The following PPP2R3A variants were observed in gnomAD, a reference collection of about 807,000 sequenced individuals.
PPP2R3A encodes the protein serine/threonine-protein phosphatase 2A regulatory subunit B'' subunit alpha.
PPP2R3A carries 80 observed loss-of-function variants against 106.9 expected under a neutral mutation model. The observed-to-expected ratio is 0.75, with a 90% CI of 0.62 to 0.90. The LOEUF (loss-of-function observed/expected upper bound fraction) is 0.90. Ranked by LOEUF, PPP2R3A falls within the 40% of genes least tolerant of loss-of-function variation. PPP2R3A has a pLI of 0.00. For missense variants in PPP2R3A, 1,386 were observed against 1,350.4 expected, an observed-to-expected ratio of 1.03 and a Z score of -0.41; for synonymous variants, 483 against 468.3, an observed-to-expected ratio of 1.03 and a Z score of -0.41.
At chr3:136,028,360 C>G (rs1934741351) in intron 3 of PPP2R3A, among the ~76,000 whole-genome samples, 1 of 152,192 alleles carries the variant, frequency 6.6e-6, no homozygotes, top group Non-Finnish European at 1.5e-5. Flanking sequence ...CTTCATTCCC[C>G]CTTCTTAAAA....
intron 8 of PPP2R3A, 64 bp downstream of exon 8, chr3:136,082,485 CATT>C: frequency 6.5e-7 from 1 of 1,537,226 alleles, no homozygotes; most frequent in Non-Finnish European, 8.9e-7. Flanking sequence ...TATCACTACT[CATT>C]ATGAGAAATT....
rs534418495 is a variant in PPP2R3A, at chr3:136,047,033, A to G, written c.2367-2226A>G. Among the ~76,000 whole-genome samples the G allele has an allele frequency of 1.6e-3, 238 of 152,372 alleles. 1 individual carries two copies. The highest frequency in any genetic ancestry group is 3.1e-3 in the Non-Finnish European group (209 of 68,034). ...ACCACTCCTTTGAATCAATGCAGGC[A>G]GACAAAAATAAAAAAGAATTTTAAA... On this transcript the variant is annotated intron_variant, in intron 4 of 13. Coordinates refer to ENST00000264977, the MANE Select transcript of PPP2R3A (RefSeq NM_002718.5).
intron 12 of PPP2R3A, among the ~76,000 whole-genome samples, chr3:136,104,378 C>T (rs1937462197): frequency 6.6e-6 from 1 of 151,264 alleles, no homozygotes; most frequent in South Asian, 2.1e-4. Flanking sequence ...GTGATCTCGG[C>T]TCACCGCAAC....
At chr3:136,062,310 C>T (rs1322213776) in intron 5 of PPP2R3A, among the ~76,000 whole-genome samples, 1 of 152,134 alleles carries the variant, frequency 6.6e-6, no homozygotes, top group Admixed American at 6.6e-5. Flanking sequence ...AGGGCAGCAT[C>T]AGGATAACTG....
chr3:136,002,490 C>T lies in PPP2R3A; in HGVS notation c.992C>T (p.Pro331Leu), dbSNP rs1165799355. 6.2e-7 allele frequency: 1 copy of T among 1,614,092 alleles called. No individual in the cohort carries two copies. Among genetic ancestry groups the T allele is most frequent in the Non-Finnish European group, 8.5e-7 (1 of 1,179,978 alleles). The change falls in exon 2 of 14, where the codon CCC becomes CTC. Residue 331 changes from proline to leucine, a missense_variant. Pro to Leu is a moderately conservative substitution (Grantham distance 98). Coordinates refer to ENST00000264977, the MANE Select transcript of PPP2R3A (RefSeq NM_002718.5). ...PFSPVFGTEQ[P>L]PKYEDVVQLS... ...TCCCCAGTGTTTGGCACTGAACAACCCCCTAAATATGAAGATGTTGTCCAG... is the reference window on the plus strand; with the variant it reads ...TCCCCAGTGTTTGGCACTGAACAACTCCCTAAATATGAAGATGTTGTCCAG...
At position 136,001,233 on chromosome 3, in the gene PPP2R3A, G is replaced by T. The variant is rs1244951306; in HGVS notation, c.-266G>T. 2 of 457,132 alleles carry T rather than the reference G, an allele frequency of 4.4e-6. No homozygotes were observed. Among genetic ancestry groups the T allele is most frequent in the Non-Finnish European group, 7.6e-6 (2 of 262,096 alleles). The allele number at this position is 457,132 out of a possible 1,614,324, so 28.3% of individuals were successfully genotyped here. On this transcript the variant is annotated 5_prime_UTR_variant, in exon 2 of 14. Coordinates refer to ENST00000264977, the MANE Select transcript of PPP2R3A (RefSeq NM_002718.5). ...GATATTCTTTCATCAAAATAATTCT[G>T]CAGTATCATAATATTACTAAATAAA...
intron 5 of PPP2R3A, among the ~76,000 whole-genome samples, chr3:136,057,311 C>T (rs1055790755): frequency 2.0e-5 from 3 of 152,102 alleles, no homozygotes; most frequent in Non-Finnish European, 4.4e-5. Context: ...TGTATATATA[C>T]ACAATGGAAT....
intron 2 of PPP2R3A, among the ~76,000 whole-genome samples, chr3:136,010,584 G>A (rs6807844): frequency 0.032 from 4,823 of 151,810 alleles, 263 homozygotes; most frequent in African/African-American, 0.11. Flanking sequence ...CCGCCACTAC[G>A]CCCGGCTAAT....
intron 5 of PPP2R3A, among the ~76,000 whole-genome samples, chr3:136,049,824 T>C (rs1259278164): frequency 1.3e-5 from 2 of 152,218 alleles, no homozygotes; most frequent in Admixed American, 1.3e-4. Context: ...TCCTGACCCA[T>C]TATTTAAGTA....
intron 3 of PPP2R3A, among the ~76,000 whole-genome samples, chr3:136,035,735 A>G (rs1044237877): frequency 1.3e-5 from 2 of 152,078 alleles, no homozygotes; most frequent in Non-Finnish European, 2.9e-5. Flanking sequence ...AATTTCCCAG[A>G]TGTTCTTTGT....
intron 1 of PPP2R3A, among the ~76,000 whole-genome samples, chr3:135,996,410 CA>C (rs1364643370): frequency 6.6e-6 from 1 of 152,114 alleles, no homozygotes; most frequent in Non-Finnish European, 1.5e-5. Flanking sequence ...TTATTTCTAT[CA>C]ACTTTTAAAA....
intron 13 of PPP2R3A, among the ~76,000 whole-genome samples, chr3:136,123,819 C>A (rs867158070): frequency 9.9e-5 from 15 of 152,184 alleles, no homozygotes; most frequent in South Asian, 2.1e-4. Flanking sequence ...GATTTCAACA[C>A]TTCTCATTCA....
intron 2 of PPP2R3A, among the ~76,000 whole-genome samples, chr3:136,019,379 A>G (rs1396333248): frequency 2.6e-5 from 4 of 152,108 alleles, no homozygotes; most frequent in African/African-American, 9.7e-5. Flanking sequence ...ATTTTTCCTC[A>G]TTCTGGTTAG....
chr3:136,119,898 T>C (rs1937925973), intron 13 of PPP2R3A, among the ~76,000 whole-genome samples: 1 of 152,168 alleles, frequency 6.6e-6, no homozygotes, highest in Admixed American at 6.5e-5. Flanking sequence ...GAAAGACACA[T>C]GCACACATAC....
At chr3:136,144,252 G>C (rs961999670) in intron 13 of PPP2R3A, among the ~76,000 whole-genome samples, 8 of 152,198 alleles carry the variant, frequency 5.3e-5, no homozygotes, top group African/African-American at 1.9e-4. Context: ...CTAAAAAGTA[G>C]AATGATGGGA....
In PPP2R3A at chr3:136,117,119, A is replaced by G. The variant is rs575645036; in HGVS notation, c.3329+10797A>G. 6.6e-5 allele frequency among the ~76,000 whole-genome samples: 10 copies of G among 152,280 alleles called. No homozygotes were observed. The South Asian group carries it at 1.9e-3, about 28-fold the overall frequency. On this transcript the variant is annotated intron_variant, in intron 13 of 13. Transcript: ENST00000264977. ...CTCACAACTACATGGAAACTAAACA[A>G]CCTTCTCCTGAATGACTACTGGGTA... is the stretch of plus-strand genomic sequence containing the variant.
At chr3:136,037,450 G>A (rs1935122323) in intron 3 of PPP2R3A, among the ~76,000 whole-genome samples, 1 of 152,194 alleles carries the variant, frequency 6.6e-6, no homozygotes, top group Non-Finnish European at 1.5e-5. Flanking sequence ...TCATCATGGA[G>A]TTTTAACTTC....
intron 7 of PPP2R3A, 38 bp downstream of exon 7, chr3:136,078,491 T>G (rs1353531943): frequency 7.8e-7 from 1 of 1,278,662 alleles, no homozygotes; most frequent in Non-Finnish European, 1.1e-6. Flanking sequence ...AATGAGCAAT[T>G]TAGATAATTT....
intron 3 of PPP2R3A, among the ~76,000 whole-genome samples, chr3:136,031,983 G>A (rs1934908596): frequency 6.6e-6 from 1 of 152,104 alleles, no homozygotes; most frequent in Non-Finnish European, 1.5e-5. Context: ...CGTTGGCCAT[G>A]CGGGCTCTTT....
Sources: allele counts gnomAD v4.1 joint callset (sites outside exome capture counted in the v4.1 genomes callset), GRCh38; gene constraint gnomAD v4.1.1; transcripts MANE v1.5; gene names NCBI Gene and HGNC (gene_info 2026-07-23, HGNC 2026-07-21).